Variants in CHD5 observed in about 807,000 individuals in gnomAD.
CHD5 encodes the protein ATP-dependent chromatin remodeler CHD5.
In CHD5, 69 loss-of-function variants were observed where a neutral mutation model predicts 230.3. That is an observed-to-expected ratio of 0.30 (90% CI 0.25 to 0.37). The LOEUF (loss-of-function observed/expected upper bound fraction) is 0.37. Among genes scored for constraint, CHD5 ranks in the 10% least tolerant of loss-of-function variants. The pLI, the probability that CHD5 is intolerant of heterozygous loss-of-function variation, is 1.00. For synonymous variants in CHD5, 1,064 were observed against 1,065.9 expected, an observed-to-expected ratio of 1.00 and a Z score of 0.03; for missense variants, 1,827 against 2,622.8, an observed-to-expected ratio of 0.70 and a Z score of 6.63.
rs1004147040 is a variant in CHD5 at position 6,130,779 on chromosome 1, C to T, written c.3263-451G>A. On this transcript the variant is annotated intron_variant, in intron 21 of 41. Coordinates refer to ENST00000262450, the MANE Select transcript of CHD5 (RefSeq NM_015557.3). This position sits in a 1 kb window ranked among gnomAD's most constrained non-coding sequence, Gnocchi z 4.9. ...GGACCTGGGGTCCCACCCCACTGGG[C>T]AACCCTGTCACAGGATGGCTGGTTC... Among the ~76,000 whole-genome samples the T allele has an allele frequency of 6.6e-6, 1 of 152,200 alleles. No individual in the cohort carries two copies. The highest frequency in any genetic ancestry group is 6.5e-5 in the Admixed American group (1 of 15,288).
Position 6,106,782 on chromosome 1 carries a change from G to T in CHD5, c.5579-3C>A. On this transcript the variant is annotated splice_polypyrimidine_tract_variant and splice_region_variant and intron_variant, in intron 38 of 41. Transcript: ENST00000262450. ...CAGCTCCTCCAGCTGGTTCAGGACT[G>T]TGGTGGGAGGCGGAGGGATGGTAGG... 6.2e-7 allele frequency: 1 copy of T among 1,609,260 alleles called. No homozygotes were observed. The highest frequency in any genetic ancestry group is 8.5e-7 in the Non-Finnish European group (1 of 1,178,654).
intron 33 of CHD5, among the ~76,000 whole-genome samples, chr1:6,113,866 C>T (rs1249276286): frequency 1.3e-5 from 2 of 152,274 alleles, no homozygotes; most frequent in East Asian, 1.9e-4. Context: ...AGAGGGACAC[C>T]GCCCATGAAA....
chr1:6,116,694 C>T (rs1043532006), intron 33 of CHD5, among the ~76,000 whole-genome samples: 1 of 152,130 alleles, frequency 6.6e-6, no homozygotes, highest in Admixed American at 6.5e-5. Context: ...AGGGAAGATC[C>T]CTATCCCATC....
Position 6,146,543 on chromosome 1 carries a change from C to T in CHD5, c.1591-120G>A. The stretch of plus-strand genomic sequence containing the variant: ...GGCAGGACAATCCTCCCGCTCAGCA[C>T]CACCCCAACTCCCAACAGCACCCCT... On this transcript the variant is annotated intron_variant, in intron 10 of 41. Coordinates refer to ENST00000262450, the MANE Select transcript of CHD5 (RefSeq NM_015557.3). The surrounding 1 kb of genome is among the most constrained non-coding windows in gnomAD (Gnocchi z 5.1). 1 of 1,390,354 alleles carries T rather than the reference C, an allele frequency of 7.2e-7. No individual in the cohort carries two copies. Among genetic ancestry groups the T allele is most frequent in the Non-Finnish European group, 1.0e-6 (1 of 987,550 alleles). The allele number at this position is 1,390,354 out of a possible 1,614,324, so 86.1% of individuals were successfully genotyped here. A position where few individuals can be genotyped will look rare whatever the true frequency, so the allele number is the denominator to read the frequency against.
At chr1:6,147,391 A>G (rs1366399271) in intron 9 of CHD5, among the ~76,000 whole-genome samples, 1 of 152,178 alleles carries the variant, frequency 6.6e-6, no homozygotes, top group East Asian at 1.9e-4. Flanking sequence ...GCACCCAGGC[A>G]CCGTGCGTCT....
At chr1:6,120,501 T>TAAAA (rs5772220) in intron 33 of CHD5, among the ~76,000 whole-genome samples, 1 of 110,004 alleles carries the variant, frequency 9.1e-6, no homozygotes, top group Non-Finnish European at 1.9e-5. Context: ...TACTAAAAAT[T>TAAAA]AAAAAAAAAA....
chr1:6,165,396 A>G (rs2100879317), intron 2 of CHD5, among the ~76,000 whole-genome samples: 1 of 152,242 alleles, frequency 6.6e-6, no homozygotes, highest in Middle Eastern at 3.4e-3. Context: ...AGGCCCACCC[A>G]GCCCAGTGGC....
intron 34 of CHD5, among the ~76,000 whole-genome samples, chr1:6,112,654 C>T (rs1666311958): frequency 6.6e-6 from 1 of 152,222 alleles, no homozygotes; most frequent in Non-Finnish European, 1.5e-5. Flanking sequence ...CCAAATCCCC[C>T]AGGCCAGGCT....
At chr1:6,150,460 GGAT>G (rs1666986980) in intron 7 of CHD5, among the ~76,000 whole-genome samples, 2 of 147,130 alleles carry the variant, frequency 1.4e-5, no homozygotes. Context: ...ATGGATGGAT[GGAT>G]GGACGGACGG....
At chr1:6,120,532 A>G (rs969985398) in intron 33 of CHD5, among the ~76,000 whole-genome samples, 1 of 150,544 alleles carries the variant, frequency 6.6e-6, no homozygotes, top group African/African-American at 2.4e-5. Context: ...GGCCGGGCGC[A>G]GTGGCTCACA....
In CHD5 at chr1:6,148,905, G is replaced by A. The variant is rs1310862836; in HGVS notation, c.1332C>T (p.Asn444=). Residue 444 remains asparagine (N), a synonymous_variant, in exon 9 of 42, where the codon AAC becomes AAT. Transcript: ENST00000262450. ...CPSSYHLHCL[N]PPLPEIPNGE... is the part of the protein sequence containing the mutation. Reference sequence around the variant, plus strand: ...CGTTTGGGATCTCGGGCAGCGGCGGGTTGAGGCAATGCAGGTGGTAGGAGG... The same window carrying A: ...CGTTTGGGATCTCGGGCAGCGGCGGATTGAGGCAATGCAGGTGGTAGGAGG... The A allele has an allele frequency of 3.1e-6, 5 of 1,591,012 alleles. No homozygotes were observed. Among genetic ancestry groups the A allele is most frequent in the East Asian group, 4.5e-5 (2 of 44,154 alleles).
chr1:6,128,324 C>G lies in CHD5; in HGVS notation c.3731-106G>C. ...TGGCCCTTCCCATCCCCAGCAGGGG[C>G]TGCAGCTGAGAGGCATGGTGACCAG... On this transcript the variant is annotated intron_variant, in intron 24 of 41. Transcript: ENST00000262450. This position sits in a 1 kb window ranked among gnomAD's most constrained non-coding sequence, Gnocchi z 7.8. The G allele has an allele frequency of 8.0e-7, 1 of 1,245,740 alleles. No individual in the cohort carries two copies. The highest frequency in any genetic ancestry group is 2.0e-5 in the Admixed American group (1 of 50,026). 77.2% of individuals were successfully genotyped at this position (1,245,740 alleles called of 1,614,324 possible).
Position 6,129,051 on chromosome 1 carries a change from G to A in CHD5, c.3406C>T (p.Arg1136Cys). Residue 1136 changes from arginine to cysteine, a missense_variant, in exon 23 of 42, where the codon CGC (arginine) becomes TGC (cysteine). By Grantham distance (180) the Arg-to-Cys change is radical. Transcript: ENST00000262450. The surrounding 1 kb of genome is among the most constrained non-coding windows in gnomAD (Gnocchi z 6.8). ...NDIQAFSRAH[R>C]IGQNKKVMIY... ...ATCACCTTCTTGTTCTGGCCGATGC[G>A]GTGGGCGCGGCTGAAGGCCTGGGGA... 1.2e-6 allele frequency: 2 copies of A among 1,603,662 alleles called. No homozygotes were observed. Among genetic ancestry groups the A allele is most frequent in the Non-Finnish European group, 8.5e-7 (1 of 1,175,262 alleles).
At chr1:6,175,721 GATGGATAT>G in intron 1 of CHD5, among the ~76,000 whole-genome samples, 1 of 150,794 alleles carries the variant, frequency 6.6e-6, no homozygotes, top group East Asian at 2.0e-4. Flanking sequence ...CGGACGGACG[GATGGATAT>G]ACATATGGAT....
chr1:6,165,671 T>C (rs911338669), intron 2 of CHD5, among the ~76,000 whole-genome samples: 10 of 151,208 alleles, frequency 6.6e-5, no homozygotes, highest in Admixed American at 2.6e-4. Context: ...TCCAGAGCCA[T>C]CTACCCCATG....
chr1:6,155,974 G>A lies in CHD5; in HGVS notation c.388-257C>T, dbSNP rs181251325. On this transcript the variant is annotated intron_variant, in intron 3 of 41. Coordinates refer to ENST00000262450, the MANE Select transcript of CHD5 (RefSeq NM_015557.3). This position sits in a 1 kb window ranked among gnomAD's most constrained non-coding sequence, Gnocchi z 4.0. ...CCAAGTGTTCGACGTCAGGGTTTGG[G>A]GAGAGGCCATGTGTGTGCCCTGAAC... is the stretch of plus-strand genomic sequence containing the variant. Among the ~76,000 whole-genome samples the A allele has an allele frequency of 2.0e-5, 3 of 152,342 alleles. 1 individual carries two copies. The East Asian group carries it at 5.8e-4, about 29-fold the overall frequency.
chr1:6,154,904 G>A lies in CHD5; in HGVS notation c.507-6C>T. 1.2e-6 allele frequency: 2 copies of A among 1,612,280 alleles called. No homozygotes were observed. The highest frequency in any genetic ancestry group is 1.7e-6 in the Non-Finnish European group (2 of 1,179,074). On this transcript the variant is annotated splice_region_variant and splice_polypyrimidine_tract_variant and intron_variant, in intron 4 of 41. Coordinates refer to ENST00000262450, the MANE Select transcript of CHD5 (RefSeq NM_015557.3). This position sits in a 1 kb window ranked among gnomAD's most constrained non-coding sequence, Gnocchi z 7.0. Reference sequence around the variant, plus strand: ...TCTTCTTGGCAATGAGTGGCCTGTAGGGGGAGAGGCAGGAGGGTGAGGGCA... The same window carrying A: ...TCTTCTTGGCAATGAGTGGCCTGTAAGGGGAGAGGCAGGAGGGTGAGGGCA...
Position 6,134,907 on chromosome 1 carries a change from T to C in CHD5, c.2871-48A>G, listed in dbSNP as rs543414106. ...GCAGGCTGGGTCAGACCCGCCTCCATGAGGGCTCTCTCTGCTCTGCAGTGG... is the reference window on the plus strand; with the variant it reads ...GCAGGCTGGGTCAGACCCGCCTCCACGAGGGCTCTCTCTGCTCTGCAGTGG... On this transcript the variant is annotated intron_variant, in intron 18 of 41. Coordinates refer to ENST00000262450, the MANE Select transcript of CHD5 (RefSeq NM_015557.3). This position sits in a 1 kb window ranked among gnomAD's most constrained non-coding sequence, Gnocchi z 6.3. 2.5e-6 allele frequency: 4 copies of C among 1,611,100 alleles called. No individual in the cohort carries two copies. The highest frequency in any genetic ancestry group is 3.4e-6 in the Non-Finnish European group (4 of 1,178,072).
Position 6,154,990 on chromosome 1 carries a change from T to C in CHD5, c.507-92A>G. On this transcript the variant is annotated intron_variant, in intron 4 of 41. Coordinates refer to ENST00000262450, the MANE Select transcript of CHD5 (RefSeq NM_015557.3). This position sits in a 1 kb window ranked among gnomAD's most constrained non-coding sequence, Gnocchi z 7.0. ...GCAGGGCCCACCCCTCTGCCACATG[T>C]GCGATCTATGGCAGCAGCCCCAGGT... is the stretch of plus-strand genomic sequence containing the variant. 1 of 1,126,134 alleles carries C rather than the reference T, an allele frequency of 8.9e-7. No individual in the cohort carries two copies. The highest frequency in any genetic ancestry group is 1.4e-5 in the South Asian group (1 of 69,072). 69.8% of individuals were successfully genotyped at this position (1,126,134 alleles called of 1,614,324 possible). A position where few individuals can be genotyped will look rare whatever the true frequency, so the allele number is the denominator to read the frequency against.
Sources: allele counts gnomAD v4.1 joint callset (sites outside exome capture counted in the v4.1 genomes callset), GRCh38; gene constraint gnomAD v4.1.1; non-coding constraint Gnocchi (gnomAD v3.1); transcripts MANE v1.5; gene names NCBI Gene and HGNC (gene_info 2026-07-23, HGNC 2026-07-21).